Variants in TENM3 observed in about 807,000 individuals in gnomAD.
TENM3 encodes the protein teneurin transmembrane protein 3.
TENM3 carries 63 observed loss-of-function variants against 255.1 expected under a neutral mutation model. That is an observed-to-expected ratio of 0.25 (90% CI 0.20 to 0.30). TENM3 has a LOEUF of 0.30. Among genes scored for constraint, TENM3 ranks in the 10% least tolerant of loss-of-function variants. The pLI is 1.00. For missense variants in TENM3, 2,929 were observed against 3,461.1 expected, an observed-to-expected ratio of 0.85 and a Z score of 3.86; for synonymous variants, 1,306 against 1,322.3, an observed-to-expected ratio of 0.99 and a Z score of 0.27.
At chr4:181,669,345 A>G in the TENM3 span, among the ~76,000 whole-genome samples, 205 of 152,242 alleles carry the variant, frequency 1.3e-3, no homozygotes, top group Admixed American at 3.1e-3. Context: ...TAACTTACTG[A>G]AGCTCCTACA....
chr4:182,271,269 C>T (rs974628307), intron 1 of TENM3, among the ~76,000 whole-genome samples: 2 of 152,172 alleles, frequency 1.3e-5, no homozygotes, highest in Non-Finnish European at 2.9e-5. Context: ...AGCCTAACCA[C>T]CCCCTTCCTA....
the TENM3 span, among the ~76,000 whole-genome samples, chr4:181,908,366 T>G: frequency 6.6e-6 from 1 of 152,220 alleles, no homozygotes; most frequent in African/African-American, 2.4e-5. Flanking sequence ...TTAAGGGACA[T>G]ATTTCTGCCT....
chr4:181,856,722 C>G, the TENM3 span, among the ~76,000 whole-genome samples: 1 of 152,164 alleles, frequency 6.6e-6, no homozygotes, highest in Non-Finnish European at 1.5e-5. Flanking sequence ...GGCTGCTCCT[C>G]CTGGACTGAC....
chr4:182,617,154 T>G (rs1293294220), intron 4 of TENM3, among the ~76,000 whole-genome samples: 1 of 152,186 alleles, frequency 6.6e-6, no homozygotes, highest in Non-Finnish European at 1.5e-5. Context: ...GATACCTTAT[T>G]TGTTTCAAAT....
intron 4 of TENM3, among the ~76,000 whole-genome samples, chr4:182,604,750 T>C (rs1488437467): frequency 1.3e-5 from 2 of 152,238 alleles, no homozygotes; most frequent in Non-Finnish European, 2.9e-5. Context: ...TATTAAAGTC[T>C]TGTTTTATTA....
At chr4:182,615,586 A>G (rs1437935235) in intron 4 of TENM3, among the ~76,000 whole-genome samples, 1 of 152,182 alleles carries the variant, frequency 6.6e-6, no homozygotes, top group East Asian at 1.9e-4. Flanking sequence ...CTGGTATCTC[A>G]TTTGGAGATG....
chr4:182,582,864 C>T (rs13145682), intron 3 of TENM3, among the ~76,000 whole-genome samples: 51,237 of 151,994 alleles, frequency 0.34, 9,870 homozygotes, highest in East Asian at 0.48. Context: ...CTCTTCCTTA[C>T]AGAAGTAATG....
At chr4:182,561,527 G>GT (rs1182113934) in intron 3 of TENM3, among the ~76,000 whole-genome samples, 10 of 151,592 alleles carry the variant, frequency 6.6e-5, no homozygotes, top group African/African-American at 2.2e-4. Context: ...TTTTCCCAGT[G>GT]TTTTTTAGAT....
chr4:181,873,712 G>C, the TENM3 span, among the ~76,000 whole-genome samples: 1 of 152,002 alleles, frequency 6.6e-6, no homozygotes, highest in African/African-American at 2.4e-5. Flanking sequence ...GCATTTGAAA[G>C]AAATATGTAC....
the TENM3 span, among the ~76,000 whole-genome samples, chr4:181,457,436 A>AT: frequency 2.4e-4 from 36 of 150,556 alleles, no homozygotes; most frequent in South Asian, 5.0e-3. Context: ...CTTGGTAGTC[A>AT]TTTTTTTTTG....
the TENM3 span, among the ~76,000 whole-genome samples, chr4:182,131,506 G>A: frequency 1.3e-5 from 2 of 152,214 alleles, no homozygotes; most frequent in African/African-American, 4.8e-5. Flanking sequence ...TTTTTATCAT[G>A]AATATATCAT....
At chr4:181,880,815 T>A in the TENM3 span, among the ~76,000 whole-genome samples, 1 of 152,138 alleles carries the variant, frequency 6.6e-6, no homozygotes, top group African/African-American at 2.4e-5. Context: ...CAAGCCCTTC[T>A]CCTTGTGACA....
chr4:182,759,154 T>A (rs929292984), intron 22 of TENM3, among the ~76,000 whole-genome samples: 10 of 152,264 alleles, frequency 6.6e-5, no homozygotes, highest in Admixed American at 6.5e-4. Flanking sequence ...ACCATTAACA[T>A]GTCACAGTAT....
chr4:182,583,779 C>T (rs1745742261), intron 3 of TENM3, among the ~76,000 whole-genome samples: 1 of 152,088 alleles, frequency 6.6e-6, no homozygotes. Context: ...TTTGGCAATA[C>T]AAACCCAGTT....
chr4:182,409,931 C>G (rs1199566561), intron 3 of TENM3, among the ~76,000 whole-genome samples: 1 of 151,782 alleles, frequency 6.6e-6, no homozygotes, highest in Admixed American at 6.6e-5. Flanking sequence ...TCAGGTGATC[C>G]TCCTATCTCA....
At chr4:181,921,285 C>T in the TENM3 span, among the ~76,000 whole-genome samples, 1 of 152,096 alleles carries the variant, frequency 6.6e-6, no homozygotes, top group Non-Finnish European at 1.5e-5. Context: ...TCATTGGTAG[C>T]TTGATGGGGA....
chr4:181,643,552 T>G, the TENM3 span, among the ~76,000 whole-genome samples: 5 of 152,142 alleles, frequency 3.3e-5, no homozygotes, highest in Non-Finnish European at 7.3e-5. Flanking sequence ...AGTTGGTTGA[T>G]GGCTCTGTGT....
rs144541004 is a variant in TENM3, at chr4:182,597,183, G to A, written c.512-3741G>A. On this transcript the variant is annotated intron_variant, in intron 3 of 27. Coordinates refer to ENST00000511685, the MANE Select transcript of TENM3 (RefSeq NM_001080477.4). ...TTTGGGAGGCCTCCGCGGGAGGATC[G>A]CTTGAGCCCAGGAGTTCAAGACTGG... Among the ~76,000 whole-genome samples, 806 of 152,208 alleles carry A rather than the reference G, an allele frequency of 5.3e-3. 5 individuals are homozygous for A. The highest frequency in any genetic ancestry group is 8.3e-3 in the Non-Finnish European group (564 of 68,014).
intron 3 of TENM3, among the ~76,000 whole-genome samples, chr4:182,357,428 C>T (rs199951341): frequency 6.6e-6 from 1 of 152,202 alleles, no homozygotes; most frequent in Admixed American, 6.5e-5. Flanking sequence ...TGTGAGATGA[C>T]ATCTCACTGT....
Sources: allele counts gnomAD v4.1 joint callset (sites outside exome capture counted in the v4.1 genomes callset), GRCh38; gene constraint gnomAD v4.1.1; transcripts MANE v1.5; gene names NCBI Gene and HGNC (gene_info 2026-07-23, HGNC 2026-07-21).